The following RAB11FIP3 variants were observed in gnomAD, a reference collection of about 807,000 sequenced individuals.
The protein encoded by RAB11FIP3 is RAB11 family interacting protein 3.
A neutral mutation model predicts 77.8 loss-of-function variants in RAB11FIP3; 17 were observed. The observed-to-expected ratio is 0.22, with a 90% CI of 0.15 to 0.33. RAB11FIP3 has a LOEUF of 0.33. RAB11FIP3 is among the 10% of genes least tolerant of loss of function. The probability of loss-of-function intolerance (pLI) is 1.00; values close to 1 mark genes in which losing one functional copy is unlikely to be tolerated. For synonymous variants in RAB11FIP3, 437 were observed against 448.2 expected, an observed-to-expected ratio of 0.98 and a Z score of 0.31; for missense variants, 1,005 against 1,011.2, an observed-to-expected ratio of 0.99 and a Z score of 0.08.
chr16:485,691 A>T (rs541840359), intron 4 of RAB11FIP3, among the ~76,000 whole-genome samples: 2 of 152,096 alleles, frequency 1.3e-5, no homozygotes, highest in South Asian at 4.1e-4. Flanking sequence ...GATTACAGGC[A>T]TGAGCCACAG....
chr16:506,386 G>T lies in RAB11FIP3; in HGVS notation c.1499+759G>T, dbSNP rs1421053021. Among the ~76,000 whole-genome samples the T allele has an allele frequency of 6.6e-6, 1 of 152,186 alleles. No homozygotes were observed. The highest frequency in any genetic ancestry group is 2.4e-5 in the African/African-American group (1 of 41,440). On this transcript the variant is annotated intron_variant, in intron 8 of 13. Coordinates refer to ENST00000262305, the MANE Select transcript of RAB11FIP3 (RefSeq NM_014700.4). The surrounding 1 kb of genome is among the most constrained non-coding windows in gnomAD (Gnocchi z 4.5). ...TGTGGGCAGAGGAGGCAGCCAGGAG[G>T]CCTATGAGGCACCTGTGGGATCTGC...
chr16:442,295 G>T (rs2055240912), intron 1 of RAB11FIP3, among the ~76,000 whole-genome samples: 1 of 152,246 alleles, frequency 6.6e-6, no homozygotes, highest in African/African-American at 2.4e-5. Flanking sequence ...CCATGCCACT[G>T]CACCCAGCTT....
At chr16:474,257 C>T (rs746937574) in intron 3 of RAB11FIP3, among the ~76,000 whole-genome samples, 69 of 152,160 alleles carry the variant, frequency 4.5e-4, no homozygotes, top group Admixed American at 3.3e-4. Context: ...GATTGATATT[C>T]TGAATGGTTC....
rs2031173626 is a variant in RAB11FIP3, at chr16:496,769, C to T, written c.1266-55C>T. The T allele has an allele frequency of 2.6e-6, 4 of 1,519,366 alleles. No homozygotes were observed. The East Asian group carries it at 6.8e-5, about 26-fold the overall frequency. The allele number at this position is 1,519,366 out of a possible 1,614,324, so 94.1% of individuals were successfully genotyped here. A position where few individuals can be genotyped will look rare whatever the true frequency, so the allele number is the denominator to read the frequency against. ...CACAGCCTGAGTTTCCTGCTTCCTC[C>T]TGCTCCTCTCTGTCTGTTCTAACAA... On this transcript the variant is annotated intron_variant, in intron 5 of 13. Coordinates refer to ENST00000262305, the MANE Select transcript of RAB11FIP3 (RefSeq NM_014700.4).
intron 11 of RAB11FIP3, 96 bp from the exon 12 acceptor site, chr16:520,026 C>G (rs899927728): frequency 6.6e-7 from 1 of 1,524,518 alleles, no homozygotes; most frequent in African/African-American, 1.4e-5. Context: ...TCCCGAGAGA[C>G]GGCCAGATCA....
intron 1 of RAB11FIP3, among the ~76,000 whole-genome samples, chr16:456,432 C>G (rs1224902386): frequency 1.4e-5 from 2 of 148,036 alleles, no homozygotes; most frequent in East Asian, 3.9e-4. Context: ...AGAGTGAGAC[C>G]CTGTCTCAAA....
rs1325681891 is a variant in RAB11FIP3 at position 507,804 on chromosome 16, C to CTGCCATCCTAAGAGT, written c.1499+2178_1499+2192dup. Among the ~76,000 whole-genome samples, 1 of 152,172 alleles carries CTGCCATCCTAAGAGT rather than the reference C, an allele frequency of 6.6e-6. No individual in the cohort carries two copies. The highest frequency in any genetic ancestry group is 1.5e-5 in the Non-Finnish European group (1 of 68,024). On this transcript the variant is annotated intron_variant, in intron 8 of 13. Transcript: ENST00000262305. The surrounding 1 kb of genome is among the most constrained non-coding windows in gnomAD (Gnocchi z 4.6). ...TTTGCTCTCTAGCCCTACCATACAG[C>CTGCCATCCTAAGAGT]TGCCATCCTAAGAGTACGTTTCCCG...
At chr16:474,998 C>T (rs182286190) in intron 3 of RAB11FIP3, 19 of 1,551,642 alleles carry the variant, frequency 1.2e-5, no homozygotes, top group African/African-American at 2.7e-5. Flanking sequence ...CCGGTTGGGA[C>T]GGAGACACGA....
intron 2 of RAB11FIP3, among the ~76,000 whole-genome samples, chr16:464,675 C>T (rs2055671756): frequency 6.6e-6 from 1 of 152,164 alleles, no homozygotes; most frequent in African/African-American, 2.4e-5. Context: ...GTGAGAGGAT[C>T]AGTTGATCCC....
At chr16:462,523 G>A (rs965665126) in intron 2 of RAB11FIP3, among the ~76,000 whole-genome samples, 8 of 152,044 alleles carry the variant, frequency 5.3e-5, no homozygotes, top group African/African-American at 1.7e-4. Flanking sequence ...TTACAGGCAT[G>A]AACCACCGTG....
At chr16:484,953 C>T (rs919470234) in intron 4 of RAB11FIP3, among the ~76,000 whole-genome samples, 1 of 152,120 alleles carries the variant, frequency 6.6e-6, no homozygotes, top group Non-Finnish European at 1.5e-5. Flanking sequence ...AGCATGTGGC[C>T]ATGTCTGCTC....
At chr16:444,157 G>A (rs775800275) in intron 1 of RAB11FIP3, among the ~76,000 whole-genome samples, 2 of 152,122 alleles carry the variant, frequency 1.3e-5, no homozygotes, top group Admixed American at 6.5e-5. Context: ...CCTGGACAGC[G>A]CCCTGAGTTT....
At chr16:516,897 C>CGAA (rs1373866843) in intron 9 of RAB11FIP3, among the ~76,000 whole-genome samples, 2 of 152,196 alleles carry the variant, frequency 1.3e-5, no homozygotes, top group Non-Finnish European at 1.5e-5. Flanking sequence ...ACAAATCTTC[C>CGAA]TCACAGAGGA....
chr16:477,764 T>C, intron 3 of RAB11FIP3: 1 of 753,536 alleles, frequency 1.3e-6, no homozygotes, highest in Non-Finnish European at 1.6e-6. Flanking sequence ...TTCCTTAGAT[T>C]GTAGGGGAGA....
chr16:471,404 C>T lies in RAB11FIP3; in HGVS notation c.903+15C>T, dbSNP rs1379390305. 1 of 1,586,466 alleles carries T rather than the reference C, an allele frequency of 6.3e-7. No individual in the cohort carries two copies. Among genetic ancestry groups the T allele is most frequent in the Non-Finnish European group, 8.6e-7 (1 of 1,158,610 alleles). On this transcript the variant is annotated intron_variant, in intron 3 of 13. Transcript: ENST00000262305. This position sits in a 1 kb window ranked among gnomAD's most constrained non-coding sequence, Gnocchi z 4.4. Reference sequence around the variant, plus strand: ...TCACCTATGAGGCAAGTGGTTTTCACCCAGGAGCTTGGGGGAAGTCTGGCA... The same window carrying T: ...TCACCTATGAGGCAAGTGGTTTTCATCCAGGAGCTTGGGGGAAGTCTGGCA...
chr16:486,465 C>T (rs2056155600), intron 4 of RAB11FIP3, among the ~76,000 whole-genome samples: 1 of 152,200 alleles, frequency 6.6e-6, no homozygotes, highest in South Asian at 2.1e-4. Flanking sequence ...TGCATTTCAG[C>T]CTGGGCGACA....
At chr16:503,281 C>G (rs1017347322) in intron 7 of RAB11FIP3, among the ~76,000 whole-genome samples, 184 bp downstream of exon 7, 1 of 152,218 alleles carries the variant, frequency 6.6e-6, no homozygotes, top group East Asian at 1.9e-4. Context: ...CAAGGGGTCT[C>G]GTGGCCATGT....
chr16:438,910 C>T (rs1290668572), intron 1 of RAB11FIP3, among the ~76,000 whole-genome samples: 2 of 152,086 alleles, frequency 1.3e-5, no homozygotes, highest in Admixed American at 6.6e-5. Flanking sequence ...GGATGGTCTC[C>T]ATGTCTTGAC....
intron 1 of RAB11FIP3, among the ~76,000 whole-genome samples, chr16:445,124 A>AAG (rs1196332711): frequency 7.2e-6 from 1 of 138,086 alleles, no homozygotes; most frequent in Non-Finnish European, 1.6e-5. Flanking sequence ...AAAAAAAAAA[A>AAG]AAAAAAAGAA....
Sources: allele counts gnomAD v4.1 joint callset (sites outside exome capture counted in the v4.1 genomes callset), GRCh38; gene constraint gnomAD v4.1.1; non-coding constraint Gnocchi (gnomAD v3.1); transcripts MANE v1.5; gene names NCBI Gene and HGNC (gene_info 2026-07-23, HGNC 2026-07-21).